Variants in DLC1 observed in about 807,000 individuals in gnomAD.
DLC1 encodes the protein rho GTPase-activating protein 7.
Under a neutral mutation model 140.3 loss-of-function variants are expected in DLC1, and 54 were observed. The observed-to-expected ratio is 0.38, with a 90% CI of 0.31 to 0.48. The LOEUF is 0.48. Ranked by LOEUF, DLC1 falls within the 20% of genes least tolerant of loss-of-function variation. The pLI is 0.96. For missense variants in DLC1, 2,536 were observed against 1,907.0 expected, an observed-to-expected ratio of 1.33 and a Z score of -6.14; for synonymous variants, 986 against 728.1, an observed-to-expected ratio of 1.35 and a Z score of -5.70.
chr8:13,491,939 C>G (rs1409161999), intron 2 of DLC1, among the ~76,000 whole-genome samples: 3 of 152,164 alleles, frequency 2.0e-5, no homozygotes, highest in Non-Finnish European at 2.9e-5. Flanking sequence ...ACTGCGGACA[C>G]AAGGTTGAAT....
intron 5 of DLC1, among the ~76,000 whole-genome samples, chr8:13,251,469 C>G (rs1221445312): frequency 6.6e-6 from 1 of 152,042 alleles, no homozygotes; most frequent in Non-Finnish European, 1.5e-5. Context: ...TATATAAAGT[C>G]TGTAAAAATT....
intron 4 of DLC1, among the ~76,000 whole-genome samples, chr8:13,390,385 G>T (rs1836696954): frequency 6.6e-6 from 1 of 152,072 alleles, no homozygotes; most frequent in African/African-American, 2.4e-5. Flanking sequence ...CATTCGGGTT[G>T]GTTCCATGTC....
upstream of DLC1, chr8:13,515,369 T>C (rs1353736852): frequency 6.6e-6 from 1 of 152,234 alleles, no homozygotes; most frequent in Non-Finnish European, 1.5e-5. Flanking sequence ...ATCCAGTTAA[T>C]AGAACGATTT....
At chr8:13,217,614 T>C (rs2117134352) in intron 5 of DLC1, among the ~76,000 whole-genome samples, 1 of 151,952 alleles carries the variant, frequency 6.6e-6, no homozygotes, top group South Asian at 2.1e-4. Flanking sequence ...GAGGGCGGAT[T>C]ATGAGGTCAG....
intron 2 of DLC1, among the ~76,000 whole-genome samples, chr8:13,430,547 G>C (rs1175383058): frequency 1.3e-5 from 2 of 152,052 alleles, no homozygotes; most frequent in African/African-American, 2.4e-5. Context: ...ATATTTTGTG[G>C]TGGTGCTCAC....
intron 1 of DLC1, among the ~76,000 whole-genome samples, chr8:13,552,702 A>T (rs917462987): frequency 3.3e-5 from 5 of 151,762 alleles, no homozygotes; most frequent in Non-Finnish European, 7.4e-5. Context: ...TACTACAGGA[A>T]AATGTTTTTT....
chr8:13,539,906 A>C (rs929077517), intron 1 of DLC1, among the ~76,000 whole-genome samples: 2 of 152,256 alleles, frequency 1.3e-5, no homozygotes, highest in Non-Finnish European at 2.9e-5. Flanking sequence ...ACTTTTCTTG[A>C]GCAATTCTAG....
At chr8:13,500,641 G>A (rs975682939) in intron 1 of DLC1, among the ~76,000 whole-genome samples, 1 of 152,142 alleles carries the variant, frequency 6.6e-6, no homozygotes, top group Non-Finnish European at 1.5e-5. Flanking sequence ...CCAGGGAACT[G>A]TTCATGCAAA....
chr8:13,088,715 G>A lies in DLC1; in HGVS notation c.4075-11C>T, dbSNP rs991503826. 1.2e-6 allele frequency: 2 copies of A among 1,613,442 alleles called. No individual in the cohort carries two copies. Among genetic ancestry groups the A allele is most frequent in the South Asian group, 1.1e-5 (1 of 91,016 alleles). On this transcript the variant is annotated splice_polypyrimidine_tract_variant and intron_variant, in intron 15 of 17. Coordinates refer to ENST00000276297, the MANE Select transcript of DLC1 (RefSeq NM_182643.3). ...GGGTCCTTCGCTCACCTGGAAAGAG[G>A]ATGTATTTTTCAGTGCCAAGGCAAT...
chr8:13,114,238 C>A (rs1010826484), intron 6 of DLC1, among the ~76,000 whole-genome samples: 1 of 152,112 alleles, frequency 6.6e-6, no homozygotes, highest in Admixed American at 6.6e-5. Context: ...GGCACATGCC[C>A]ATAATCCCAG....
chr8:13,149,409 C>G (rs764864437), intron 5 of DLC1, among the ~76,000 whole-genome samples: 3 of 152,210 alleles, frequency 2.0e-5, no homozygotes, highest in Non-Finnish European at 4.4e-5. Flanking sequence ...CAGTCTGTGT[C>G]TTTCCCTCGG....
chr8:13,531,857 C>A (rs778756544), intron 1 of DLC1, among the ~76,000 whole-genome samples: 3 of 152,102 alleles, frequency 2.0e-5, no homozygotes, highest in Non-Finnish European at 4.4e-5. Context: ...GAAAGGCTTA[C>A]CATATATTAC....
At chr8:13,091,819 G>A (rs958628316) in intron 13 of DLC1, among the ~76,000 whole-genome samples, 8 of 152,050 alleles carry the variant, frequency 5.3e-5, no homozygotes, top group African/African-American at 1.9e-4. Flanking sequence ...GAATACACAG[G>A]CCCCCTCCCA....
chr8:13,421,088 G>A (rs930662720), intron 2 of DLC1, among the ~76,000 whole-genome samples: 9 of 152,028 alleles, frequency 5.9e-5, no homozygotes, highest in South Asian at 2.1e-4. Context: ...GTAATTCCTC[G>A]TTAATCTTTT....
chr8:13,517,524 G>C (rs1802627970), upstream of DLC1, among the ~76,000 whole-genome samples: 1 of 152,070 alleles, frequency 6.6e-6, no homozygotes, highest in Admixed American at 6.5e-5. Flanking sequence ...ACAAATCTCA[G>C]ATCTTATAGT....
At chr8:13,424,178 C>T (rs1838447255) in intron 2 of DLC1, among the ~76,000 whole-genome samples, 1 of 152,014 alleles carries the variant, frequency 6.6e-6, no homozygotes, top group Non-Finnish European at 1.5e-5. Flanking sequence ...CATTGTCCTA[C>T]CTGGAAAAAA....
intron 5 of DLC1, among the ~76,000 whole-genome samples, chr8:13,175,407 T>G (rs1825705894): frequency 6.6e-6 from 1 of 152,048 alleles, no homozygotes; most frequent in Non-Finnish European, 1.5e-5. Flanking sequence ...AAAATGACAT[T>G]TGTAGTTTGA....
intron 4 of DLC1, among the ~76,000 whole-genome samples, chr8:13,388,424 A>G (rs1836613874): frequency 6.6e-6 from 1 of 151,972 alleles, no homozygotes; most frequent in Non-Finnish European, 1.5e-5. Context: ...AAACCACACT[A>G]TACATTGGTA....
At chr8:13,117,511 T>C (rs1264955253) in intron 5 of DLC1, among the ~76,000 whole-genome samples, 1 of 152,174 alleles carries the variant, frequency 6.6e-6, no homozygotes, top group Non-Finnish European at 1.5e-5. Context: ...ACTTTTGCCC[T>C]ATCTGTGTGC....
Sources: allele counts gnomAD v4.1 joint callset (sites outside exome capture counted in the v4.1 genomes callset), GRCh38; gene constraint gnomAD v4.1.1; transcripts MANE v1.5; gene names NCBI Gene and HGNC (gene_info 2026-07-23, HGNC 2026-07-21).